Variants in CAMK1D observed in about 807,000 individuals in gnomAD.
CAMK1D encodes calcium/calmodulin dependent protein kinase ID, also known as calcium/calmodulin-dependent protein kinase type 1D.
CAMK1D carries 9 observed loss-of-function variants against 47.7 expected under a neutral mutation model. The observed-to-expected ratio is 0.19, with a 90% CI of 0.11 to 0.33. CAMK1D has a LOEUF of 0.33. CAMK1D is among the 10% of genes least tolerant of loss of function. The pLI is 1.00. For missense variants in CAMK1D, 291 were observed against 488.7 expected (o/e 0.60, Z 3.81); for synonymous variants, 184 against 184.9 (o/e 0.99, Z 0.04).
chr10:12,395,631 T>C (rs1838915834), intron 1 of CAMK1D, among the ~76,000 whole-genome samples: 1 of 152,096 alleles, frequency 6.6e-6, no homozygotes. Flanking sequence ...GGTTGGTTTT[T>C]CGGCCAGGCG....
At chr10:12,664,612 G>A (rs776804944) in intron 2 of CAMK1D, among the ~76,000 whole-genome samples, 1 of 152,234 alleles carries the variant, frequency 6.6e-6, no homozygotes, top group African/African-American at 2.4e-5. Flanking sequence ...AGGGCTGCAG[G>A]TGCCAATCTC....
In CAMK1D at chr10:12,833,924, A is replaced by AAG. The variant is rs1299982878; in HGVS notation, c.*5038_*5039insGA. On this transcript the variant is annotated 3_prime_UTR_variant, in exon 11 of 11. Coordinates refer to ENST00000619168, the MANE Select transcript of CAMK1D (RefSeq NM_153498.4). ...AACACTGTTCAGTTTGTTAAAAAAA[A>AAG]AAAAAAAAAAAAAAGATGTATATAC... is the stretch of plus-strand genomic sequence containing the variant. The AAG allele has an allele frequency of 6.7e-6, 1 of 149,840 alleles. No individual in the cohort carries two copies. Among genetic ancestry groups the AAG allele is most frequent in the Non-Finnish European group, 1.5e-5 (1 of 67,878 alleles). 9.3% of individuals were successfully genotyped at this position (149,840 alleles called of 1,614,324 possible).
intron 2 of CAMK1D, among the ~76,000 whole-genome samples, chr10:12,585,762 G>T (rs1837798526): frequency 6.6e-6 from 1 of 152,176 alleles, no homozygotes; most frequent in South Asian, 2.1e-4. Flanking sequence ...AATTATGGGA[G>T]CTACAATGCA....
intron 1 of CAMK1D, among the ~76,000 whole-genome samples, chr10:12,374,569 T>A (rs1838116362): frequency 6.6e-6 from 1 of 152,234 alleles, no homozygotes. Context: ...CAGCCTACTT[T>A]GGGCTTCTCT....
chr10:12,656,280 A>T (rs1363818746), intron 2 of CAMK1D, among the ~76,000 whole-genome samples: 1 of 152,166 alleles, frequency 6.6e-6, no homozygotes, highest in Non-Finnish European at 1.5e-5. Flanking sequence ...CTATTAAGAA[A>T]ATACCTTCAG....
intron 8 of CAMK1D, among the ~76,000 whole-genome samples, chr10:12,820,665 C>T (rs1203425380): frequency 6.6e-6 from 1 of 152,222 alleles, no homozygotes; most frequent in Non-Finnish European, 1.5e-5. Context: ...ATCATGGACA[C>T]CTTCCTTAGC....
Position 12,388,004 on chromosome 10 carries a change from C to A in CAMK1D, c.92+38094C>A, listed in dbSNP as rs563978378. Among the ~76,000 whole-genome samples the A allele has an allele frequency of 5.3e-5, 8 of 152,198 alleles. No individual in the cohort carries two copies. The South Asian group carries it at 1.7e-3, about 31-fold the overall frequency. On this transcript the variant is annotated intron_variant, in intron 1 of 10. Coordinates refer to ENST00000619168, the MANE Select transcript of CAMK1D (RefSeq NM_153498.4). ...AGGGAAGAAGCCTCAGCTCTTTTCT[C>A]CCCTGGGAACCTCCCTTTCTGTAGG... is the stretch of plus-strand genomic sequence containing the variant.
chr10:12,420,533 T>G (rs1840015406), intron 1 of CAMK1D, among the ~76,000 whole-genome samples: 2 of 152,196 alleles, frequency 1.3e-5, no homozygotes, highest in South Asian at 4.1e-4. Context: ...GTTTGGGACT[T>G]TTTGGTGGAC....
At chr10:12,395,977 G>A (rs1259808209) in intron 1 of CAMK1D, among the ~76,000 whole-genome samples, 2 of 151,092 alleles carry the variant, frequency 1.3e-5, no homozygotes, top group Non-Finnish European at 3.0e-5. Context: ...GGGTTCAAGC[G>A]ATTCTCCTGC....
chr10:12,486,731 C>T (rs1319974594), intron 1 of CAMK1D, among the ~76,000 whole-genome samples: 1 of 152,220 alleles, frequency 6.6e-6, no homozygotes, highest in African/African-American at 2.4e-5. Flanking sequence ...CTTTGTGTTA[C>T]AGGCAGTGAG....
chr10:12,718,360 T>G (rs1834237002), intron 3 of CAMK1D, among the ~76,000 whole-genome samples: 1 of 152,212 alleles, frequency 6.6e-6, no homozygotes, highest in African/African-American at 2.4e-5. Flanking sequence ...TTGTCTAAAT[T>G]GCAATATTTG....
In CAMK1D at chr10:12,396,444, C is replaced by T. The variant is rs1455923288; in HGVS notation, c.92+46534C>T. Among the ~76,000 whole-genome samples, 6 of 152,154 alleles carry T rather than the reference C, an allele frequency of 3.9e-5. 1 individual carries two copies. The South Asian group carries it at 1.0e-3, about 26-fold the overall frequency. On this transcript the variant is annotated intron_variant, in intron 1 of 10. Coordinates refer to ENST00000619168, the MANE Select transcript of CAMK1D (RefSeq NM_153498.4). ...CCAGGGATAATGGGTTCATTCTGGG[C>T]CCTCCAACCAGAGTCTTCATGAGTC...
intron 3 of CAMK1D, among the ~76,000 whole-genome samples, chr10:12,686,266 G>A (rs1832659935): frequency 6.6e-6 from 1 of 152,160 alleles, no homozygotes; most frequent in Non-Finnish European, 1.5e-5. Flanking sequence ...GCGAAGATAT[G>A]ATGTTAATGA....
intron 1 of CAMK1D, among the ~76,000 whole-genome samples, chr10:12,547,357 G>A (rs1449538061): frequency 6.6e-6 from 1 of 152,158 alleles, no homozygotes; most frequent in Non-Finnish European, 1.5e-5. Context: ...AGTGGGGCAC[G>A]GGCTCCAGGC....
chr10:12,622,219 G>T (rs966438867), intron 2 of CAMK1D, among the ~76,000 whole-genome samples: 3 of 152,296 alleles, frequency 2.0e-5, no homozygotes, highest in East Asian at 1.9e-4. Flanking sequence ...TTTGCTGCTG[G>T]TGGTGGTGGG....
At chr10:12,526,416 G>A (rs549288485) in intron 1 of CAMK1D, among the ~76,000 whole-genome samples, 1 of 152,290 alleles carries the variant, frequency 6.6e-6, no homozygotes, top group South Asian at 2.1e-4. Context: ...TGCATACACA[G>A]ATTTATAGGA....
rs57333952 is a variant in CAMK1D, at chr10:12,630,373, C to CTT, written c.225-36349_225-36348dup. On this transcript the variant is annotated intron_variant, in intron 2 of 10. Coordinates refer to ENST00000619168, the MANE Select transcript of CAMK1D (RefSeq NM_153498.4). ...GCTAAGATTTACTTTCTTTTTCTTT[C>CTT]TTTTTTTTTTTTTTTAAAAAAAAGA... Among the ~76,000 whole-genome samples the CTT allele has an allele frequency of 7.3e-3, 680 of 93,662 alleles. 5 individuals are homozygous for CTT. Among genetic ancestry groups the CTT allele is most frequent in the African/African-American group, 0.019 (527 of 27,148 alleles). 61.4% of individuals were successfully genotyped at this position (93,662 alleles called of 152,430 possible). A position where few individuals can be genotyped will look rare whatever the true frequency, so the allele number is the denominator to read the frequency against.
chr10:12,706,741 CAAAA>C (rs764894832), intron 3 of CAMK1D, among the ~76,000 whole-genome samples: 3 of 113,748 alleles, frequency 2.6e-5, no homozygotes, highest in African/African-American at 3.3e-5. Flanking sequence ...ACCCTGTCTC[CAAAA>C]AAAAAAAAAA....
intron 2 of CAMK1D, among the ~76,000 whole-genome samples, chr10:12,588,884 G>GTGTA (rs71384401): frequency 8.0e-6 from 1 of 125,428 alleles, no homozygotes; most frequent in East Asian, 2.2e-4. Context: ...GTGTGTGTGT[G>GTGTA]CGTGCGTGTG....
Sources: allele counts gnomAD v4.1 joint callset (sites outside exome capture counted in the v4.1 genomes callset), GRCh38; gene constraint gnomAD v4.1.1; transcripts MANE v1.5; gene names NCBI Gene and HGNC (gene_info 2026-07-23, HGNC 2026-07-21).